The following USH2A variants were observed in gnomAD, a reference collection of about 807,000 sequenced individuals.
USH2A encodes usherin.
A neutral mutation model predicts 538.9 loss-of-function variants in USH2A; 443 were observed. The ratio of observed to expected loss-of-function variants is 0.82; its 90% CI spans 0.76 to 0.89. USH2A has a LOEUF of 0.89. Among genes scored for constraint, USH2A ranks in the 40% least tolerant of loss-of-function variants. USH2A has a pLI of 0.00. For synonymous variants in USH2A, 2,413 were observed against 2,273.5 expected, an observed-to-expected ratio of 1.06 and a Z score of -1.75; for missense variants, 6,633 against 6,324.8, an observed-to-expected ratio of 1.05 and a Z score of -1.65.
chr1:216,104,116 T>C (rs182514840), intron 21 of USH2A, among the ~76,000 whole-genome samples: 183 of 152,250 alleles, frequency 1.2e-3, no homozygotes, highest in African/African-American at 4.2e-3. Flanking sequence ...GTGCACAACG[T>C]GCAGGTTTGT....
chr1:215,759,894 GT>G, intron 56 of USH2A, 51 bp from the exon 57 acceptor site: 1 of 1,607,032 alleles, frequency 6.2e-7, no homozygotes, highest in Non-Finnish European at 8.5e-7. Context: ...AATAAACAGT[GT>G]ATCAAAAGTC....
At chr1:215,813,079 G>A (rs559542129) in intron 49 of USH2A, among the ~76,000 whole-genome samples, 17 of 152,250 alleles carry the variant, frequency 1.1e-4, no homozygotes, top group Admixed American at 6.5e-4. Context: ...CAGAGCCTGC[G>A]AGAGACTTGG....
intron 38 of USH2A, among the ~76,000 whole-genome samples, chr1:215,926,898 G>T (rs181850588): frequency 6.6e-6 from 1 of 151,824 alleles, no homozygotes; most frequent in Admixed American, 6.6e-5. Flanking sequence ...GTGAGCCACC[G>T]CGCCCAGCCT....
At chr1:215,630,462 AT>A (rs1225413417) in intron 70 of USH2A, among the ~76,000 whole-genome samples, 4 of 125,448 alleles carry the variant, frequency 3.2e-5, no homozygotes, top group Non-Finnish European at 4.8e-5. Context: ...GTGAATATAT[AT>A]GTATGTGTAT....
Position 216,298,799 on chromosome 1 carries a change from C to T in USH2A, c.1645-6429G>A, listed in dbSNP as rs533107774. Among the ~76,000 whole-genome samples the T allele has an allele frequency of 1.1e-4, 16 of 152,024 alleles. No individual in the cohort carries two copies. The South Asian group carries it at 1.7e-3, about 16-fold the overall frequency. ...TTTTAGGAGGAGCAACATATGTATA[C>T]ATTCCACAGGACCCAGAAATTCCAC... On this transcript the variant is annotated intron_variant, in intron 9 of 71. Transcript: ENST00000307340.
Position 215,790,131 on chromosome 1 carries a change from G to A in USH2A, c.10110C>T (p.Cys3370=). ...ETELIPKSQK[C]CNGVGYNPLK... Reference sequence around the variant, plus strand: ...AAGGATTATATCCAACTCCATTACAGCATTTCTGGCTCTTTGGAATAAGTT... The same window carrying A: ...AAGGATTATATCCAACTCCATTACAACATTTCTGGCTCTTTGGAATAAGTT... The change falls in exon 51 of 72, where the codon TGC becomes TGT. Residue 3370 remains cysteine (C), a synonymous_variant. Coordinates refer to ENST00000307340, the MANE Select transcript of USH2A (RefSeq NM_206933.4). 6.2e-7 allele frequency: 1 copy of A among 1,613,436 alleles called. No homozygotes were observed. Among genetic ancestry groups the A allele is most frequent in the Non-Finnish European group, 8.5e-7 (1 of 1,179,966 alleles).
intron 71 of USH2A, 26 bp downstream of exon 71, chr1:215,628,788 G>A (rs760424897): frequency 6.2e-7 from 1 of 1,610,820 alleles, no homozygotes; most frequent in Admixed American, 1.7e-5. Context: ...ATTTAGCAAA[G>A]GCCCTGTATG....
Position 216,048,637 on chromosome 1 carries a change from T to C in USH2A, c.6060A>G (p.Thr2020=), listed in dbSNP as rs1451248023. ...VNTSNLTGIL[T]GLLPFKNYAV... The stretch of plus-strand genomic sequence containing the variant: ...CATAGTTTTTGAAGGGTAGCAAGCC[T>C]GTCAATATGCCTATAATAAAAAGGG... The change falls in exon 31 of 72, where the codon ACA becomes ACG. Residue 2020 remains threonine, a synonymous_variant. Coordinates refer to ENST00000307340, the MANE Select transcript of USH2A (RefSeq NM_206933.4). 1 of 1,614,036 alleles carries C rather than the reference T, an allele frequency of 6.2e-7. No individual in the cohort carries two copies. The highest frequency in any genetic ancestry group is 8.5e-7 in the Non-Finnish European group (1 of 1,179,914).
At chr1:216,239,112 A>T (rs1466683019) in intron 13 of USH2A, among the ~76,000 whole-genome samples, 1 of 152,082 alleles carries the variant, frequency 6.6e-6, no homozygotes, top group East Asian at 1.9e-4. Context: ...AGGAAAAAAA[A>T]AAACATTAAA....
At chr1:215,743,031 AT>A in intron 59 of USH2A, 145 bp downstream of exon 59, 1 of 902,692 alleles carries the variant, frequency 1.1e-6, no homozygotes, top group Non-Finnish European at 1.7e-6. Flanking sequence ...CCAGACTGTG[AT>A]TTTTCTGGGT....
At chr1:216,217,158 A>C (rs1394671068) in intron 15 of USH2A, among the ~76,000 whole-genome samples, 2 of 152,076 alleles carry the variant, frequency 1.3e-5, no homozygotes, top group Non-Finnish European at 2.9e-5. Context: ...ACTCCAAAAA[A>C]CTATTGTAAA....
chr1:216,229,509 T>A (rs2035632892), intron 14 of USH2A, among the ~76,000 whole-genome samples: 2 of 151,824 alleles, frequency 1.3e-5, no homozygotes, highest in African/African-American at 4.8e-5. Context: ...GAGATGGGGT[T>A]TTGCCATGTT....
chr1:215,727,930 A>T, intron 61 of USH2A, 100 bp downstream of exon 61: 1 of 1,343,526 alleles, frequency 7.4e-7, no homozygotes, highest in Non-Finnish European at 1.1e-6. Flanking sequence ...TCATATATTT[A>T]AGCCCTAAGT....
intron 32 of USH2A, among the ~76,000 whole-genome samples, chr1:216,021,170 T>C (rs1668836226): frequency 6.6e-6 from 1 of 152,144 alleles, no homozygotes; most frequent in Admixed American, 6.6e-5. Flanking sequence ...TTTTGTGTCA[T>C]GAGGAACAAA....
chr1:215,760,768 A>G (rs1660957740), intron 56 of USH2A, among the ~76,000 whole-genome samples: 1 of 152,104 alleles, frequency 6.6e-6, no homozygotes, highest in Non-Finnish European at 1.5e-5. Context: ...TCTATAATGT[A>G]TACTTTCCTG....
At chr1:215,775,333 C>G (rs1288140528) in intron 55 of USH2A, among the ~76,000 whole-genome samples, 2 of 152,094 alleles carry the variant, frequency 1.3e-5, no homozygotes, top group African/African-American at 4.8e-5. Context: ...GCACTGGACC[C>G]CACAATTTTG....
At chr1:216,179,000 T>C (rs1046248485) in intron 20 of USH2A, among the ~76,000 whole-genome samples, 1 of 152,114 alleles carries the variant, frequency 6.6e-6, no homozygotes, top group Non-Finnish European at 1.5e-5. Flanking sequence ...AGTATGAATA[T>C]GCCTCCTATG....
chr1:215,677,347 C>T (rs1269858579), intron 62 of USH2A, among the ~76,000 whole-genome samples: 14 of 152,104 alleles, frequency 9.2e-5, no homozygotes, highest in Admixed American at 9.2e-4. Flanking sequence ...TATTTCTATT[C>T]GTGTTTAAAT....
intron 43 of USH2A, among the ~76,000 whole-genome samples, chr1:215,871,735 C>T (rs540958395): frequency 6.6e-6 from 1 of 152,250 alleles, no homozygotes; most frequent in South Asian, 2.1e-4. Context: ...CTAATTTATT[C>T]ATTTATTCCT....
Sources: gnomAD v4.1 joint callset for allele counts (sites outside exome capture counted in the v4.1 genomes callset) on GRCh38, gnomAD v4.1.1 for gene constraint, MANE v1.5 for transcripts, NCBI Gene and HGNC (gene_info 2026-07-23, HGNC 2026-07-21) for gene names.